The following TSPAN3 variants were observed in gnomAD, a reference collection of about 807,000 sequenced individuals.
TSPAN3 encodes the protein tetraspanin 3.
TSPAN3 carries 9 observed loss-of-function variants against 31.1 expected under a neutral mutation model. The observed-to-expected ratio is 0.29, with a 90% CI of 0.17 to 0.50. The LOEUF (loss-of-function observed/expected upper bound fraction) is 0.50, where lower values mean the gene tolerates loss of function less well. TSPAN3 is among the 20% of genes least tolerant of loss of function. The pLI is 0.98. For missense variants in TSPAN3, 252 were observed against 313.5 expected, an observed-to-expected ratio of 0.80 and a Z score of 1.48; for synonymous variants, 129 against 114.3, an observed-to-expected ratio of 1.13 and a Z score of -0.82.
chr15:77,061,404 G>C (rs1006268219), intron 1 of TSPAN3, among the ~76,000 whole-genome samples: 5 of 152,112 alleles, frequency 3.3e-5, no homozygotes, highest in Non-Finnish European at 5.9e-5. Context: ...GCACATGCCT[G>C]TAATCCCAGC....
chr15:77,055,611 T>C (rs777972871), intron 3 of TSPAN3, 178 bp downstream of exon 3: 21 of 556,334 alleles, frequency 3.8e-5, no homozygotes, highest in Non-Finnish European at 6.4e-5. Context: ...CTATATTAAA[T>C]GAGGTAAGGA....
At chr15:77,070,535 G>A (rs895788498) in intron 1 of TSPAN3, among the ~76,000 whole-genome samples, 1 of 151,986 alleles carries the variant, frequency 6.6e-6, no homozygotes, top group African/African-American at 2.4e-5. Context: ...CGAGCCCGAC[G>A]TCCTGCTACA....
Position 77,046,895 on chromosome 15 carries a change from C to A in TSPAN3, c.702G>T (p.Leu234Phe), listed in dbSNP as rs375168622. The part of the protein sequence containing the change: ...LLGMLCACIV[L>F]CRRSRDPAYE... ...AAGCAGGATCTCTACTCCTTCTGCA[C>A]AACACGATGCAAGCACACAGCATGC... The change falls in exon 7 of 7, where the codon TTG becomes TTT. Residue 234 changes from leucine to phenylalanine, a missense_variant. Physicochemically the swap from Leu to Phe is conservative, Grantham distance 22. Transcript: ENST00000267970. 3.8e-6 allele frequency: 6 copies of A among 1,588,272 alleles called. No homozygotes were observed. The highest frequency in any genetic ancestry group is 1.3e-5 in the African/African-American group (1 of 74,320).
intron 1 of TSPAN3, chr15:77,063,929 T>A (rs959049197): frequency 1.3e-5 from 2 of 152,172 alleles, no homozygotes; most frequent in Non-Finnish European, 2.9e-5. Context: ...ACTCTAATTG[T>A]AAAAAGAGTC....
rs2076738317 is a variant in TSPAN3, at chr15:77,052,438, G to C, written c.616C>G (p.Gln206Glu). ...GCEALVVKKL[Q>E]EIMMHVIWAA... ...CAGATCACATGCATCATGATTTCTT[G>C]TAGCTTCTTCACTACTAGAGCCTCA... Residue 206 changes from glutamine to glutamate, a missense_variant, in exon 6 of 7, where the codon CAA (glutamine) becomes GAA (glutamate). Gln to Glu is a conservative substitution (Grantham distance 29, BLOSUM62 2). Transcript: ENST00000267970. 2 of 1,614,146 alleles carry C rather than the reference G, an allele frequency of 1.2e-6. No homozygotes were observed. The highest frequency in any genetic ancestry group is 1.7e-6 in the Non-Finnish European group (2 of 1,180,014).
chr15:77,054,538 G>C (rs771652570), intron 3 of TSPAN3: 34 of 240,680 alleles, frequency 1.4e-4, no homozygotes, highest in Non-Finnish European at 2.5e-4. Flanking sequence ...CAAAATGGCA[G>C]GCTAACAATG....
At chr15:77,065,349 C>A (rs1201869289) in intron 1 of TSPAN3, among the ~76,000 whole-genome samples, 2 of 152,186 alleles carry the variant, frequency 1.3e-5, no homozygotes, top group Non-Finnish European at 2.9e-5. Flanking sequence ...AAAGTAGGTG[C>A]TCAAATAGTA....
intron 1 of TSPAN3, chr15:77,064,657 T>C (rs1460550541): frequency 2.0e-5 from 3 of 152,240 alleles, no homozygotes; most frequent in Non-Finnish European, 4.4e-5. Context: ...GAAACATTCA[T>C]TTTCTTAACT....
intron 6 of TSPAN3, among the ~76,000 whole-genome samples, chr15:77,051,772 C>T (rs1297913465): frequency 1.3e-5 from 2 of 151,788 alleles, no homozygotes; most frequent in Non-Finnish European, 2.9e-5. Flanking sequence ...GCAGGAGGAT[C>T]GCTTGAGCCC....
intron 6 of TSPAN3, among the ~76,000 whole-genome samples, chr15:77,048,848 A>G (rs1330612083): frequency 1.3e-5 from 2 of 152,222 alleles, no homozygotes; most frequent in East Asian, 3.8e-4. Context: ...GGCAAAGTAA[A>G]ATGTTCTATG....
intron 1 of TSPAN3, among the ~76,000 whole-genome samples, chr15:77,066,142 T>G (rs2076831550): frequency 6.6e-6 from 1 of 152,176 alleles, no homozygotes; most frequent in South Asian, 2.1e-4. Context: ...AATAAAAACT[T>G]AATGGTAGGA....
intron 6 of TSPAN3, among the ~76,000 whole-genome samples, chr15:77,048,720 T>C (rs933807460): frequency 6.6e-6 from 1 of 152,170 alleles, no homozygotes; most frequent in Non-Finnish European, 1.5e-5. Flanking sequence ...TTTCTTGCAA[T>C]GAAATACTCT....
chr15:77,054,060 A>G, intron 4 of TSPAN3, 118 bp downstream of exon 4: 2 of 703,352 alleles, frequency 2.8e-6, no homozygotes, highest in South Asian at 3.4e-5. Flanking sequence ...TATTGGTCAC[A>G]TCAGGATAGC....
rs2076753400 is a variant in TSPAN3 at position 77,054,241 on chromosome 15, A to C, written c.369T>G (p.Tyr123Ter). 2 of 1,613,924 alleles carry C rather than the reference A, an allele frequency of 1.2e-6. No homozygotes were observed. The highest frequency in any genetic ancestry group is 1.3e-5 in the African/African-American group (1 of 75,036). ...NEVDRSIQKV[Y>*]KTYNGTNPDA... ...CAGGGTTGGTTCCATTGTAGGTCTT[A>C]TACACTTTCTGAATGCTGCGATCAA... is the stretch of plus-strand genomic sequence containing the variant. The change falls in exon 4 of 7, where the codon TAT (tyrosine) becomes TAG (stop). Residue 123 changes from tyrosine (Y) to a stop codon, truncating the protein, a stop_gained. Coordinates refer to ENST00000267970, the MANE Select transcript of TSPAN3 (RefSeq NM_005724.6). LOFTEE classifies it high-confidence loss of function.
In TSPAN3 at chr15:77,052,835, C is replaced by G; in HGVS notation, c.527G>C (p.Arg176Thr). The change falls in exon 5 of 7, where the codon AGA (arginine) becomes ACA (threonine). Residue 176 changes from arginine to threonine, a missense_variant. Coordinates refer to ENST00000267970, the MANE Select transcript of TSPAN3 (RefSeq NM_005724.6). ...GCCATTACAATTGCTGGCAGTCTCT[C>G]TGCAGCAGCTAAGAGGGACACTCTG... The part of the protein sequence containing the change: ...KNQSVPLSCC[R>T]ETASNCNGSL... 6.2e-7 allele frequency: 1 copy of G among 1,614,176 alleles called. No individual in the cohort carries two copies. The highest frequency in any genetic ancestry group is 2.2e-5 in the East Asian group (1 of 44,884).
intron 1 of TSPAN3, among the ~76,000 whole-genome samples, chr15:77,070,486 A>G (rs1277413304): frequency 1.3e-5 from 2 of 151,866 alleles, no homozygotes; most frequent in Non-Finnish European, 2.9e-5. Context: ...GGCCCCGACA[A>G]AGAGCGCGGA....
At chr15:77,064,896 C>T (rs1332797619) in intron 1 of TSPAN3, 1 of 152,218 alleles carries the variant, frequency 6.6e-6, no homozygotes, top group Non-Finnish European at 1.5e-5. Flanking sequence ...TATCATATTA[C>T]CACCTCGAAT....
rs776968587 is a variant in TSPAN3, at chr15:77,052,355, C to T, written c.669+30G>A. On this transcript the variant is annotated intron_variant, in intron 6 of 6. Coordinates refer to ENST00000267970, the MANE Select transcript of TSPAN3 (RefSeq NM_005724.6). Reference sequence around the variant, plus strand: ...CTGACAACAGAGAACCAACTCACTCCGATAGAACTCCTTGGCAAGCTGTGC... The same window carrying T: ...CTGACAACAGAGAACCAACTCACTCTGATAGAACTCCTTGGCAAGCTGTGC... 9.3e-5 allele frequency: 150 copies of T among 1,604,936 alleles called. 1 individual carries two copies. Among genetic ancestry groups the T allele is most frequent in the Admixed American group, 1.5e-4 (9 of 59,982 alleles).
Position 77,052,468 on chromosome 15 carries a change from C to G in TSPAN3, c.586G>C (p.Gly196Arg). The G allele has an allele frequency of 1.2e-6, 2 of 1,613,768 alleles. No homozygotes were observed. Among genetic ancestry groups the G allele is most frequent in the Non-Finnish European group, 1.7e-6 (2 of 1,179,668 alleles). ...TTCTTCACTACTAGAGCCTCACACC[C>G]CTGTAACAAACACAGTCATCCTCGT... is the stretch of plus-strand genomic sequence containing the variant. ...LAHPSDLYAE[G>R]CEALVVKKLQ... The change falls in exon 6 of 7, where the codon GGG becomes CGG. Residue 196 changes from glycine to arginine, a missense_variant and splice_region_variant. Coordinates refer to ENST00000267970, the MANE Select transcript of TSPAN3 (RefSeq NM_005724.6).
Sources: allele counts gnomAD v4.1 joint callset (sites outside exome capture counted in the v4.1 genomes callset), GRCh38; gene constraint gnomAD v4.1.1; transcripts MANE v1.5; gene names NCBI Gene and HGNC (gene_info 2026-07-23, HGNC 2026-07-21).